Variants in FBXO9 observed in about 807,000 individuals in gnomAD.
The protein encoded by FBXO9 is F-box only protein 9.
FBXO9 carries 43 observed loss-of-function variants against 63.7 expected under a neutral mutation model. The ratio of observed to expected loss-of-function variants is 0.67; its 90% CI spans 0.53 to 0.87. FBXO9 has a LOEUF of 0.87. Ranked by LOEUF, FBXO9 falls within the 40% of genes least tolerant of loss-of-function variation. The pLI, the probability that FBXO9 is intolerant of heterozygous loss-of-function variation, is 0.00. For missense variants in FBXO9, 442 were observed against 533.2 expected, an observed-to-expected ratio of 0.83 and a Z score of 1.68; for synonymous variants, 156 against 171.7, an observed-to-expected ratio of 0.91 and a Z score of 0.72.
At chr6:53,065,926 G>T (rs1768678799) in intron 1 of FBXO9, 134 bp downstream of exon 1, 2 of 1,187,176 alleles carry the variant, frequency 1.7e-6, no homozygotes, top group East Asian at 3.2e-5. Context: ...ACCCGTTAGA[G>T]GGCCCTGGCC....
rs761159029 is a variant in FBXO9, at chr6:53,075,734, A to ATTTTTTTTTTTTTTTTTTTTTT, written c.250-750_250-749insTTTTTTTTTTTTTTTTTTTTTT. 1.3e-4 allele frequency among the ~76,000 whole-genome samples: 11 copies of ATTTTTTTTTTTTTTTTTTTTTT among 82,180 alleles called. 5 individuals are homozygous for ATTTTTTTTTTTTTTTTTTTTTT. Among genetic ancestry groups the ATTTTTTTTTTTTTTTTTTTTTT allele is most frequent in the Non-Finnish European group, 1.9e-4 (9 of 47,454 alleles). 53.9% of individuals were successfully genotyped at this position (82,180 alleles called of 152,430 possible). A position where few individuals can be genotyped will look rare whatever the true frequency, so the allele number is the denominator to read the frequency against. On this transcript the variant is annotated intron_variant, in intron 3 of 12. Coordinates refer to ENST00000323557, the MANE Select transcript of FBXO9 (RefSeq NM_033480.3). ...TAATTGGATTACATATATATATATA[A>ATTTTTTTTTTTTTTTTTTTTTT]TTATTTTTTTTTTTTTTTTTTTTTT...
At chr6:53,080,767 G>A (rs1008594758) in intron 5 of FBXO9, among the ~76,000 whole-genome samples, 3 of 152,156 alleles carry the variant, frequency 2.0e-5, no homozygotes, top group Non-Finnish European at 4.4e-5. Context: ...GATAATTACT[G>A]AAGCTTTTTT....
rs532026721 is a variant in FBXO9, at chr6:53,093,558, C to A, written c.956C>A (p.Thr319Asn). Reference protein sequence around the residue: ...SIVPRLRTRNTRTDAILLGHY... With the variant: ...SIVPRLRTRNNRTDAILLGHY... ...GTTCCACGTTTAAGAACTAGGAATA[C>A]CAGGTAGCATTTGTTTTTTAAATGG... Residue 319 changes from threonine to asparagine, a missense_variant, in exon 10 of 13, where the codon ACC (threonine) becomes AAC (asparagine). By Grantham distance (65) the Thr-to-Asn change is moderately conservative (BLOSUM62 0). Around this residue, in one of 2 missense-constraint regions of FBXO9, gnomAD observed 262 missense variants for 362.1 expected, o/e 0.72. Transcript: ENST00000323557. 1 of 1,610,184 alleles carries A rather than the reference C, an allele frequency of 6.2e-7. No homozygotes were observed. Among genetic ancestry groups the A allele is most frequent in the East Asian group, 2.2e-5 (1 of 44,832 alleles).
rs148650841 is a variant in FBXO9, at chr6:53,069,526, G to C, written c.4-1531G>C. ...ACAACATGACCTATGAGGCAGTCTTGCAAAAGAAAAAAGAAATAGCAGAAT... is the reference window on the plus strand; with the variant it reads ...ACAACATGACCTATGAGGCAGTCTTCCAAAAGAAAAAAGAAATAGCAGAAT... On this transcript the variant is annotated intron_variant, in intron 1 of 12. Transcript: ENST00000323557. 1.1e-3 allele frequency among the ~76,000 whole-genome samples: 168 copies of C among 152,204 alleles called. 1 individual carries two copies. Among genetic ancestry groups the C allele is most frequent in the African/African-American group, 3.3e-3 (139 of 41,536 alleles).
At chr6:53,082,083 T>C (rs1203493655) in intron 6 of FBXO9, among the ~76,000 whole-genome samples, 1 of 151,922 alleles carries the variant, frequency 6.6e-6, no homozygotes, top group Non-Finnish European at 1.5e-5. Context: ...AAAAAAGAAA[T>C]TCATGTATTT....
At position 53,065,730 on chromosome 6, in the gene FBXO9, G is replaced by C; in HGVS notation, c.-60G>C. ...CCCGGACACCCAGCACCCCTCCTCCGGGGGGCGGTGCAGAGGGGGCACGGA... is the reference window on the plus strand; with the variant it reads ...CCCGGACACCCAGCACCCCTCCTCCCGGGGGCGGTGCAGAGGGGGCACGGA... On this transcript the variant is annotated 5_prime_UTR_variant, in exon 1 of 13. Coordinates refer to ENST00000323557, the MANE Select transcript of FBXO9 (RefSeq NM_033480.3). 5 of 1,425,906 alleles carry C rather than the reference G, an allele frequency of 3.5e-6. No homozygotes were observed. The highest frequency in any genetic ancestry group is 1.4e-5 in the South Asian group (1 of 71,110). 88.3% of individuals were successfully genotyped at this position (1,425,906 alleles called of 1,614,324 possible). A position where few individuals can be genotyped will look rare whatever the true frequency, so the allele number is the denominator to read the frequency against.
intron 12 of FBXO9, among the ~76,000 whole-genome samples, chr6:53,096,602 A>G (rs1366165250): frequency 1.3e-5 from 2 of 150,712 alleles, no homozygotes; most frequent in East Asian, 3.9e-4. Flanking sequence ...TTTTTTTTCT[A>G]CTTTTCAAAG....
chr6:53,066,243 C>T, intron 1 of FBXO9: 1 of 722,804 alleles, frequency 1.4e-6, no homozygotes, highest in Non-Finnish European at 1.7e-6. Flanking sequence ...GGCCCACCGA[C>T]AGTCCCTGCC....
intron 7 of FBXO9, among the ~76,000 whole-genome samples, 197 bp downstream of exon 7, chr6:53,082,815 A>G (rs1372888808): frequency 2.6e-5 from 4 of 152,228 alleles, no homozygotes; most frequent in African/African-American, 9.6e-5. Flanking sequence ...TTTCTAGGGT[A>G]TAGAATAATA....
chr6:53,093,795 A>T, intron 10 of FBXO9, 90 bp from the exon 11 acceptor site: 1 of 1,056,346 alleles, frequency 9.5e-7, no homozygotes, highest in Non-Finnish European at 1.4e-6. Context: ...TTTTCAAGCA[A>T]GAGTAAACAC....
At chr6:53,094,733 C>G in intron 11 of FBXO9, 1 of 438,422 alleles carries the variant, frequency 2.3e-6, no homozygotes, top group East Asian at 7.8e-5. Context: ...ACCTTGTGGC[C>G]ACCTGTTGCT....
intron 1 of FBXO9, among the ~76,000 whole-genome samples, chr6:53,070,105 A>G (rs1463556924): frequency 1.5e-5 from 2 of 134,312 alleles, no homozygotes; most frequent in South Asian, 2.3e-4. Flanking sequence ...TGCAACCTCC[A>G]TCTCTCAGGC....
In FBXO9 at chr6:53,080,129, G is replaced by A. The variant is rs147483142; in HGVS notation, c.408-839G>A. On this transcript the variant is annotated intron_variant, in intron 5 of 12. Transcript: ENST00000323557. The stretch of plus-strand genomic sequence containing the variant: ...TCCCATTTTTTATACAAACCCAGAC[G>A]CTATGAAAGTTCTTTAAGGATTCAT... Among the ~76,000 whole-genome samples, 326 of 151,782 alleles carry A rather than the reference G, an allele frequency of 2.1e-3. 3 individuals are homozygous for A. Among genetic ancestry groups the A allele is most frequent in the African/African-American group, 7.6e-3 (313 of 41,422 alleles).
intron 3 of FBXO9, among the ~76,000 whole-genome samples, chr6:53,076,269 G>C (rs1307277282): frequency 6.6e-6 from 1 of 152,034 alleles, no homozygotes; most frequent in Admixed American, 6.5e-5. Context: ...GATTTTCTTT[G>C]TTTTCTTTTC....
In FBXO9 at chr6:53,093,900, A is replaced by G. The variant is rs1763124500; in HGVS notation, c.975A>G (p.Leu325=). 6.5e-7 allele frequency: 1 copy of G among 1,549,144 alleles called. No homozygotes were observed. The highest frequency in any genetic ancestry group is 2.4e-5 in the East Asian group (1 of 41,170). ...RTRNTRTDAI[L]LGHYRLSQDT... is the part of the protein sequence containing the mutation. ...TTTTTTTAAGGACTGATGCAATTCT[A>G]CTGGGTCACTATCGCTTGTCACAAG... The change falls in exon 11 of 13, where the codon CTA becomes CTG. Residue 325 remains leucine, a synonymous_variant. Coordinates refer to ENST00000323557, the MANE Select transcript of FBXO9 (RefSeq NM_033480.3).
intron 5 of FBXO9, among the ~76,000 whole-genome samples, chr6:53,080,562 T>G (rs964442436): frequency 4.6e-5 from 7 of 152,216 alleles, no homozygotes; most frequent in African/African-American, 1.2e-4. Flanking sequence ...AGAAAACCCT[T>G]GGTAAGTAAG....
Position 53,076,513 on chromosome 6 carries a change from G to T in FBXO9, c.277G>T (p.Glu93Ter). 1 of 1,545,590 alleles carries T rather than the reference G, an allele frequency of 6.5e-7. No homozygotes were observed. The highest frequency in any genetic ancestry group is 8.6e-7 in the Non-Finnish European group (1 of 1,156,772). Residue 93 changes from glutamate (E) to a stop codon, truncating the protein, a stop_gained, in exon 4 of 13, where the codon GAA (glutamate) becomes TAA (stop). Transcript: ENST00000323557. LOFTEE classifies it high-confidence loss of function. ...TCGAGAACTCTTCCTAAAAGCAGTA[G>T]AAGAAGAACAAAATGGAGCTCTCTA... The part of the protein sequence containing the change: ...KARELFLKAV[E>*]EEQNGALYEA...
At chr6:53,072,862 A>T (rs1192882722) in intron 2 of FBXO9, among the ~76,000 whole-genome samples, 1 of 151,984 alleles carries the variant, frequency 6.6e-6, no homozygotes, top group African/African-American at 2.4e-5. Flanking sequence ...CTGGGATTAC[A>T]GGTGCCCGCC....
intron 7 of FBXO9, chr6:53,091,314 T>C (rs1010415448): frequency 2.0e-5 from 3 of 152,222 alleles, no homozygotes; most frequent in African/African-American, 7.2e-5. Flanking sequence ...TTAGAAATAC[T>C]TTTAGTTATA....
Sources: allele counts gnomAD v4.1 joint callset (sites outside exome capture counted in the v4.1 genomes callset), GRCh38; gene constraint gnomAD v4.1.1; regional missense constraint gnomAD v4.1.1; transcripts MANE v1.5; gene names NCBI Gene and HGNC (gene_info 2026-07-23, HGNC 2026-07-21).